KDM4C: variants seen among roughly 807,000 people sequenced by gnomAD.
KDM4C encodes lysine demethylase 4C.
KDM4C carries 81 observed loss-of-function variants against 129.3 expected under a neutral mutation model. The ratio of observed to expected loss-of-function variants is 0.63; its 90% CI spans 0.52 to 0.75. The LOEUF (loss-of-function observed/expected upper bound fraction) is 0.75, where lower values mean the gene tolerates loss of function less well. Ranked by LOEUF, KDM4C falls within the 30% of genes least tolerant of loss-of-function variation. The pLI, the probability that KDM4C is intolerant of heterozygous loss-of-function variation, is 0.00. For synonymous variants in KDM4C, 573 were observed against 456.1 expected, an observed-to-expected ratio of 1.26 and a Z score of -3.26; for missense variants, 1,457 against 1,304.0, an observed-to-expected ratio of 1.12 and a Z score of -1.81.
At chr9:6,972,592 C>T (rs1040099383) in intron 8 of KDM4C, among the ~76,000 whole-genome samples, 1 of 152,150 alleles carries the variant, frequency 6.6e-6, no homozygotes, top group Non-Finnish European at 1.5e-5. Context: ...TTTAAACATT[C>T]TGGTATGTGT....
At chr9:6,764,556 C>T (rs771401073) in intron 1 of KDM4C, among the ~76,000 whole-genome samples, 1 of 152,114 alleles carries the variant, frequency 6.6e-6, no homozygotes, top group Non-Finnish European at 1.5e-5. Context: ...AGACTGGATT[C>T]CCTATGATTT....
chr9:7,137,916 A>C (rs1426225301), intron 19 of KDM4C, among the ~76,000 whole-genome samples: 1 of 152,226 alleles, frequency 6.6e-6, no homozygotes, highest in Non-Finnish European at 1.5e-5. Context: ...TTAGATTCTT[A>C]TTCGATAGAT....
chr9:6,911,843 G>A (rs927473104), intron 8 of KDM4C, among the ~76,000 whole-genome samples: 1 of 152,188 alleles, frequency 6.6e-6, no homozygotes, highest in Admixed American at 6.5e-5. Flanking sequence ...CGGGGAGGTG[G>A]CAGGGACTGG....
intron 5 of KDM4C, among the ~76,000 whole-genome samples, chr9:6,856,329 T>C (rs763462760): frequency 5.9e-5 from 9 of 152,178 alleles, no homozygotes; most frequent in Non-Finnish European, 1.3e-4. Context: ...TGTTAAGACT[T>C]ACTGGATGGT....
intron 2 of KDM4C, among the ~76,000 whole-genome samples, chr9:6,798,657 C>T (rs1162583770): frequency 6.6e-6 from 1 of 152,208 alleles, no homozygotes; most frequent in Non-Finnish European, 1.5e-5. Flanking sequence ...ACAGACACAG[C>T]AACCATCCGA....
intron 7 of KDM4C, among the ~76,000 whole-genome samples, chr9:6,889,732 A>G (rs73405231): frequency 0.14 from 22,074 of 152,238 alleles, 1,873 homozygotes; most frequent in South Asian, 0.33. Flanking sequence ...CCAAGACACA[A>G]AATCCTTCTC....
chr9:6,733,749 G>C (rs950058097), intron 1 of KDM4C, among the ~76,000 whole-genome samples: 8 of 152,222 alleles, frequency 5.3e-5, no homozygotes, highest in African/African-American at 1.9e-4. Flanking sequence ...TCCATAGACA[G>C]AGCAGCCCCA....
At chr9:6,932,049 A>G (rs146591522) in intron 8 of KDM4C, among the ~76,000 whole-genome samples, 1 of 152,178 alleles carries the variant, frequency 6.6e-6, no homozygotes, top group East Asian at 1.9e-4. Flanking sequence ...GGCCGTGACT[A>G]TTGTGAGTCA....
chr9:7,125,282 C>G (rs1256485667), intron 18 of KDM4C, among the ~76,000 whole-genome samples: 1 of 152,190 alleles, frequency 6.6e-6, no homozygotes, highest in Non-Finnish European at 1.5e-5. Flanking sequence ...GTGTTCTTCC[C>G]CTAATTCTGA....
chr9:7,157,074 T>G (rs568787003), intron 19 of KDM4C, among the ~76,000 whole-genome samples: 1 of 152,318 alleles, frequency 6.6e-6, no homozygotes, highest in South Asian at 2.1e-4. Context: ...TTCACATCCC[T>G]TGTAAGTTGG....
At chr9:6,983,386 G>A (rs1817104323) in intron 9 of KDM4C, among the ~76,000 whole-genome samples, 1 of 152,106 alleles carries the variant, frequency 6.6e-6, no homozygotes, top group Non-Finnish European at 1.5e-5. Context: ...AAATACTCAG[G>A]AAGAAGATAA....
At chr9:7,172,606 T>A (rs1391583872) in intron 21 of KDM4C, among the ~76,000 whole-genome samples, 2 of 152,218 alleles carry the variant, frequency 1.3e-5, no homozygotes, top group Non-Finnish European at 2.9e-5. Context: ...TTTAGTTTTC[T>A]TCTCTAGTGA....
intron 17 of KDM4C, among the ~76,000 whole-genome samples, chr9:7,056,251 G>A (rs909786771): frequency 5.9e-5 from 9 of 151,868 alleles, no homozygotes; most frequent in Admixed American, 1.3e-4. Context: ...TATTTAACAC[G>A]GCCAGTATAA....
chr9:6,845,252 C>CA (rs776652769), intron 4 of KDM4C, among the ~76,000 whole-genome samples: 79 of 152,128 alleles, frequency 5.2e-4, no homozygotes, highest in Non-Finnish European at 8.4e-4. Context: ...CTTGCTCTGT[C>CA]ATGCAGGCAG....
intron 17 of KDM4C, among the ~76,000 whole-genome samples, chr9:7,090,747 A>G (rs912290167): frequency 2.6e-5 from 4 of 152,236 alleles, no homozygotes; most frequent in African/African-American, 9.6e-5. Context: ...CTCAGCAGGT[A>G]TAGTTTTCTA....
At chr9:6,912,530 G>A (rs937940387) in intron 8 of KDM4C, among the ~76,000 whole-genome samples, 3 of 152,140 alleles carry the variant, frequency 2.0e-5, no homozygotes, top group Non-Finnish European at 2.9e-5. Flanking sequence ...AAACAGAAAT[G>A]ATCATTAATG....
intron 17 of KDM4C, among the ~76,000 whole-genome samples, chr9:7,096,188 T>C (rs567569360): frequency 1.2e-4 from 19 of 152,362 alleles, no homozygotes; most frequent in African/African-American, 4.6e-4. Context: ...TGATTTTTTT[T>C]CAACATACAT....
intron 18 of KDM4C, among the ~76,000 whole-genome samples, chr9:7,123,281 C>G (rs779790632): frequency 4.6e-5 from 7 of 152,150 alleles, no homozygotes; most frequent in African/African-American, 9.7e-5. Context: ...CTTCCTTTTC[C>G]CTTGGCTAGC....
intron 8 of KDM4C, among the ~76,000 whole-genome samples, chr9:6,934,475 G>A (rs868800698): frequency 1.1e-4 from 14 of 125,002 alleles, no homozygotes; most frequent in African/African-American, 2.5e-4. Context: ...GCAAGACCCC[G>A]CCAAAAAAAA....
Sources: gnomAD v4.1 joint callset for allele counts (sites outside exome capture counted in the v4.1 genomes callset) on GRCh38, gnomAD v4.1.1 for gene constraint, MANE v1.5 for transcripts, NCBI Gene and HGNC (gene_info 2026-07-23, HGNC 2026-07-21) for gene names.